Variants in NEDD4L observed in about 807,000 individuals in gnomAD.
NEDD4L encodes E3 ubiquitin-protein ligase NEDD4-like.
In NEDD4L, 54 loss-of-function variants were observed where a neutral mutation model predicts 148.9. The observed-to-expected ratio is 0.36, with a 90% CI of 0.29 to 0.45. The LOEUF is 0.45. NEDD4L is among the 20% of genes least tolerant of loss of function. The probability of loss-of-function intolerance (pLI) is 1.00; values close to 1 mark genes in which losing one functional copy is unlikely to be tolerated. For missense variants in NEDD4L, 856 were observed against 1,233.8 expected (o/e 0.69, Z 4.59); for synonymous variants, 433 against 440.7 (o/e 0.98, Z 0.22).
At chr18:58,126,187 G>T (rs79533529) in intron 1 of NEDD4L, among the ~76,000 whole-genome samples, 2,757 of 152,314 alleles carry the variant, frequency 0.018, 78 homozygotes, top group African/African-American at 0.062. Flanking sequence ...ATGCAATGCG[G>T]TGGCTTTTAG....
In NEDD4L at chr18:58,358,382, A is replaced by G. The variant is rs554855142; in HGVS notation, c.1767+1130A>G. On this transcript the variant is annotated intron_variant, in intron 19 of 30. Coordinates refer to ENST00000400345, the MANE Select transcript of NEDD4L (RefSeq NM_001144967.3). ...TCTGATGCTTCCTTTTGATATATAT[A>G]TATTCGCAGTCACAGTTGTTTATTG... Among the ~76,000 whole-genome samples the G allele has an allele frequency of 2.0e-3, 306 of 152,282 alleles. 2 individuals are homozygous for G. Among genetic ancestry groups the G allele is most frequent in the Middle Eastern group, 0.01 (3 of 294 alleles).
rs2044063219 is a variant in NEDD4L, at chr18:58,223,983, G to A, written c.123-21444G>A. ...CAGGTGGGCAGTGGGATGTGGGCAG[G>A]CGGTACCCAGATTCCCTCCCACAGG... On this transcript the variant is annotated intron_variant, in intron 2 of 30. Transcript: ENST00000400345. Among the ~76,000 whole-genome samples, 3 of 152,324 alleles carry A rather than the reference G, an allele frequency of 2.0e-5. No homozygotes were observed. In the South Asian group the frequency reaches 6.2e-4, roughly 32 times the overall value.
chr18:58,274,151 G>A (rs1466740208), intron 5 of NEDD4L, among the ~76,000 whole-genome samples: 1 of 152,146 alleles, frequency 6.6e-6, no homozygotes, highest in Non-Finnish European at 1.5e-5. Flanking sequence ...ATCTCCAAGT[G>A]TCAGGCAGGT....
At chr18:58,094,688 T>C (rs142770404) in intron 1 of NEDD4L, among the ~76,000 whole-genome samples, 1,848 of 152,164 alleles carry the variant, frequency 0.012, 38 homozygotes, top group African/African-American at 0.042. Context: ...CCACCCCTGC[T>C]GTGTAGATGG....
intron 1 of NEDD4L, among the ~76,000 whole-genome samples, chr18:58,122,934 T>C (rs112676452): frequency 4.3e-4 from 66 of 152,280 alleles, no homozygotes; most frequent in African/African-American, 1.5e-3. Context: ...AGTTTCACCA[T>C]GATGGCCAGG....
intron 2 of NEDD4L, among the ~76,000 whole-genome samples, chr18:58,186,181 G>A (rs975828444): frequency 1.3e-5 from 2 of 152,148 alleles, no homozygotes; most frequent in African/African-American, 2.4e-5. Flanking sequence ...ACAGAAAAGC[G>A]TCCATTAAAC....
chr18:58,072,103 A>C (rs1455667580), intron 1 of NEDD4L, among the ~76,000 whole-genome samples: 1 of 152,232 alleles, frequency 6.6e-6, no homozygotes, highest in Non-Finnish European at 1.5e-5. Context: ...TGAATAGGCC[A>C]ATAACAGGTA....
chr18:58,234,097 C>CTTTTCTTTTCTTTTCT (rs61539118), intron 2 of NEDD4L, among the ~76,000 whole-genome samples: 2 of 83,358 alleles, frequency 2.4e-5, no homozygotes, highest in African/African-American at 6.2e-5. Flanking sequence ...TTCTTTCTTT[C>CTTTTCTTTTCTTTTCT]TTTCTTTTCT....
chr18:58,315,339 C>A (rs531361448), intron 5 of NEDD4L, among the ~76,000 whole-genome samples: 1 of 152,014 alleles, frequency 6.6e-6, no homozygotes, highest in Non-Finnish European at 1.5e-5. Context: ...TGATTTTCAC[C>A]TGGGCCTCTT....
intron 1 of NEDD4L, among the ~76,000 whole-genome samples, chr18:58,116,322 T>G (rs2085836392): frequency 6.6e-6 from 1 of 152,220 alleles, no homozygotes; most frequent in Non-Finnish European, 1.5e-5. Context: ...AATACTGTGT[T>G]TTTGTTTTAA....
intron 2 of NEDD4L, among the ~76,000 whole-genome samples, chr18:58,237,490 T>G (rs2046172364): frequency 6.6e-6 from 1 of 152,186 alleles, no homozygotes; most frequent in Admixed American, 6.5e-5. Flanking sequence ...TCACAGATTG[T>G]CATTTTCTTT....
chr18:58,150,157 C>T (rs906795601), intron 1 of NEDD4L, among the ~76,000 whole-genome samples: 2 of 152,326 alleles, frequency 1.3e-5, no homozygotes, highest in Middle Eastern at 3.4e-3. Context: ...GGGACGATGT[C>T]TTTCAGTTCT....
intron 2 of NEDD4L, among the ~76,000 whole-genome samples, chr18:58,211,277 A>C (rs2042577292): frequency 6.6e-6 from 1 of 152,226 alleles, no homozygotes; most frequent in African/African-American, 2.4e-5. Flanking sequence ...TGAAATGGTC[A>C]TATGTCTAGA....
At position 58,330,802 on chromosome 18, in the gene NEDD4L, C is replaced by A. The variant is rs760793783; in HGVS notation, c.878C>A (p.Pro293Gln). 1.9e-6 allele frequency: 3 copies of A among 1,613,776 alleles called. No individual in the cohort carries two copies. Among genetic ancestry groups the A allele is most frequent in the South Asian group, 1.1e-5 (1 of 91,038 alleles). The change falls in exon 11 of 31, where the codon CCA becomes CAA. Residue 293 changes from proline to glutamine, a missense_variant. Physicochemically the swap from Pro to Gln is moderately conservative, Grantham distance 76. Around this residue, in one of 4 missense-constraint regions of NEDD4L, gnomAD observed 367 missense variants for 422.7 expected, o/e 0.87. Transcript: ENST00000400345. Reference sequence around the variant, plus strand: ...GACTCTCTCGGTCTGGCTCTGCCCCCACCACCGGCCTCCCCAGGATCTCGG... The same window carrying A: ...GACTCTCTCGGTCTGGCTCTGCCCCAACCACCGGCCTCCCCAGGATCTCGG... ...AGDSLGLALP[P>Q]PPASPGSRTS...
At chr18:58,110,484 C>T (rs909128718) in intron 1 of NEDD4L, among the ~76,000 whole-genome samples, 2 of 152,328 alleles carry the variant, frequency 1.3e-5, no homozygotes, top group South Asian at 2.1e-4. Flanking sequence ...TGATGAGATT[C>T]GTGTGGCTCT....
Position 58,302,008 on chromosome 18 carries a change from A to G in NEDD4L, c.298-13974A>G, listed in dbSNP as rs190427436. On this transcript the variant is annotated intron_variant, in intron 5 of 30. Transcript: ENST00000400345. ...GATAGGGGGATTCACTAAGAACTTC[A>G]GCATAGTGAGAGAATGTAACTGAAG... Among the ~76,000 whole-genome samples the G allele has an allele frequency of 1.8e-3, 269 of 152,312 alleles. 3 individuals are homozygous for G. Among genetic ancestry groups the G allele is most frequent in the Admixed American group, 0.011 (175 of 15,300 alleles).
At chr18:58,276,175 A>G (rs1023836315) in intron 5 of NEDD4L, among the ~76,000 whole-genome samples, 1 of 147,774 alleles carries the variant, frequency 6.8e-6, no homozygotes, top group Non-Finnish European at 1.5e-5. Flanking sequence ...TACTCGATTT[A>G]ATGTGCATTT....
At chr18:58,172,663 C>T (rs757252447) in intron 2 of NEDD4L, among the ~76,000 whole-genome samples, 1 of 152,140 alleles carries the variant, frequency 6.6e-6, no homozygotes, top group Non-Finnish European at 1.5e-5. Flanking sequence ...CTTGAGTGCT[C>T]ACAGGTTGGC....
intron 1 of NEDD4L, among the ~76,000 whole-genome samples, chr18:58,159,375 G>T (rs746055829): frequency 4.6e-5 from 7 of 152,110 alleles, no homozygotes; most frequent in Non-Finnish European, 1.0e-4. Context: ...CCAAGAGTGA[G>T]CCCTAAGGTA....
Sources: gnomAD v4.1 joint callset for allele counts (sites outside exome capture counted in the v4.1 genomes callset) on GRCh38, gnomAD v4.1.1 for gene constraint, gnomAD v4.1.1 regional missense constraint, MANE v1.5 for transcripts, NCBI Gene and HGNC (gene_info 2026-07-23, HGNC 2026-07-21) for gene names.